RNF220: variants seen among roughly 807,000 people sequenced by gnomAD.
The protein encoded by RNF220 is E3 ubiquitin-protein ligase RNF220.
Under a neutral mutation model 67.1 loss-of-function variants are expected in RNF220, and 7 were observed. That is an observed-to-expected ratio of 0.10 (90% CI 0.06 to 0.20). RNF220 has a LOEUF of 0.20. Among genes scored for constraint, RNF220 ranks in the 10% least tolerant of loss-of-function variants. The pLI is 1.00. For synonymous variants in RNF220, 270 were observed against 283.2 expected (o/e 0.95, Z 0.47); for missense variants, 565 against 740.3 (o/e 0.76, Z 2.75).
intron 2 of RNF220, among the ~76,000 whole-genome samples, chr1:44,505,007 A>G (rs969751347): frequency 6.6e-6 from 1 of 152,214 alleles, no homozygotes; most frequent in Admixed American, 6.5e-5. Flanking sequence ...ACTAGACATG[A>G]AATAGCCAAG....
At chr1:44,635,810 G>T in intron 7 of RNF220, 1 of 1,297,448 alleles carries the variant, frequency 7.7e-7, no homozygotes, top group Non-Finnish European at 1.0e-6. Flanking sequence ...CTCTCCTTTT[G>T]CTTTCACTCT....
intron 2 of RNF220, chr1:44,419,221 G>T (rs1403708330): frequency 1.3e-5 from 2 of 152,174 alleles, no homozygotes; most frequent in East Asian, 3.8e-4. Flanking sequence ...GGCATGTATG[G>T]TTGAACAGAA....
chr1:44,548,749 C>T (rs1259579189), intron 2 of RNF220, among the ~76,000 whole-genome samples: 1 of 152,200 alleles, frequency 6.6e-6, no homozygotes, highest in African/African-American at 2.4e-5. Flanking sequence ...ACTTCAGCCT[C>T]CCAAAGTGCT....
chr1:44,617,654 A>C (rs1264950513), intron 3 of RNF220, among the ~76,000 whole-genome samples: 1 of 152,194 alleles, frequency 6.6e-6, no homozygotes, highest in Non-Finnish European at 1.5e-5. Context: ...AAGATGACAC[A>C]CTGGGGTTCC....
chr1:44,632,421 C>G, intron 6 of RNF220, 36 bp downstream of exon 6: 1 of 1,547,780 alleles, frequency 6.5e-7, no homozygotes, highest in South Asian at 1.2e-5. Context: ...CGCCCCACCC[C>G]CGGCCTCCTC....
chr1:44,498,133 G>A (rs1047824459), intron 2 of RNF220, among the ~76,000 whole-genome samples: 1 of 152,158 alleles, frequency 6.6e-6, no homozygotes, highest in African/African-American at 2.4e-5. Context: ...GGATATATTT[G>A]GTGAGTGGCG....
chr1:44,527,074 GTAGTTT>G (rs1452464110), intron 2 of RNF220, among the ~76,000 whole-genome samples: 1 of 151,910 alleles, frequency 6.6e-6, no homozygotes, highest in Non-Finnish European at 1.5e-5. Flanking sequence ...CATCATGCCT[GTAGTTT>G]CACCTGCCAC....
At chr1:44,437,561 A>G (rs770880528) in intron 2 of RNF220, among the ~76,000 whole-genome samples, 4 of 152,140 alleles carry the variant, frequency 2.6e-5, no homozygotes, top group Non-Finnish European at 5.9e-5. Flanking sequence ...CTTGGGCTGT[A>G]TTTGGCGAGC....
chr1:44,645,150 A>G lies in RNF220; in HGVS notation c.1310+69A>G, dbSNP rs988794616. The G allele has an allele frequency of 2.5e-6, 4 of 1,611,926 alleles. No individual in the cohort carries two copies. In the African/African-American group the frequency reaches 4.0e-5, roughly 16 times the overall value. ...GAAGCCCTGAGGCAGGGGTTAACGC[A>G]GTACTGACCCTCAGGGCTGTCCTGC... On this transcript the variant is annotated intron_variant, in intron 10 of 14. Coordinates refer to ENST00000361799, the MANE Select transcript of RNF220 (RefSeq NM_018150.4). This position sits in a 1 kb window ranked among gnomAD's most constrained non-coding sequence, Gnocchi z 5.0.
At chr1:44,452,541 G>A (rs1029609245) in intron 2 of RNF220, among the ~76,000 whole-genome samples, 17 of 152,150 alleles carry the variant, frequency 1.1e-4, no homozygotes, top group African/African-American at 2.4e-4. Context: ...GCAACAGAGC[G>A]AAACTCCATC....
intron 2 of RNF220, among the ~76,000 whole-genome samples, chr1:44,533,530 G>A (rs1221089224): frequency 6.6e-6 from 1 of 152,154 alleles, no homozygotes; most frequent in East Asian, 1.9e-4. Context: ...GTCCAGGTTG[G>A]TTCTCCCAAA....
chr1:44,626,630 A>G (rs936187743), intron 5 of RNF220: 2 of 563,132 alleles, frequency 3.6e-6, no homozygotes, highest in Non-Finnish European at 6.4e-6. Flanking sequence ...CATGGGCTCC[A>G]TGGGCTCTGA....
Position 44,412,365 on chromosome 1 carries a change from C to G in RNF220, c.268C>G (p.Pro90Ala). 1.2e-6 allele frequency: 2 copies of G among 1,614,172 alleles called. No individual in the cohort carries two copies. Among genetic ancestry groups the G allele is most frequent in the Non-Finnish European group, 1.7e-6 (2 of 1,180,026 alleles). Residue 90 changes from proline (P) to alanine (A), a missense_variant, in exon 2 of 15, where the codon CCT (proline) becomes GCT (alanine). Transcript: ENST00000361799. This position sits in a 1 kb window ranked among gnomAD's most constrained non-coding sequence, Gnocchi z 5.3. ...CACTTTTGCCAATCGTGATTTCCCCCCTTCTCTACTACACCTCCACCCTCA... is the reference window on the plus strand; with the variant it reads ...CACTTTTGCCAATCGTGATTTCCCCGCTTCTCTACTACACCTCCACCCTCA... ...PGTFANRDFPPSLLHLHPQFA... is the reference protein window; with the variant it reads ...PGTFANRDFPASLLHLHPQFA...
chr1:44,433,373 C>T (rs1423676344), intron 2 of RNF220, among the ~76,000 whole-genome samples: 2 of 152,178 alleles, frequency 1.3e-5, no homozygotes, highest in Non-Finnish European at 2.9e-5. Context: ...AGTTCAGAAT[C>T]AGTTGAGCTT....
chr1:44,598,982 A>G (rs1457766320), intron 2 of RNF220, among the ~76,000 whole-genome samples: 6 of 151,700 alleles, frequency 4.0e-5, no homozygotes, highest in Admixed American at 2.0e-4. Flanking sequence ...TTTTTTCCAG[A>G]CATTCTCCTG....
chr1:44,429,528 A>G (rs1413238762), intron 2 of RNF220, among the ~76,000 whole-genome samples: 4 of 152,216 alleles, frequency 2.6e-5, no homozygotes, highest in Non-Finnish European at 5.9e-5. Context: ...TAGAGAAGTG[A>G]GAAGGGGAGT....
chr1:44,415,297 C>T (rs1014104863), intron 2 of RNF220, among the ~76,000 whole-genome samples: 5 of 151,346 alleles, frequency 3.3e-5, no homozygotes, highest in African/African-American at 9.7e-5. Flanking sequence ...CCTACAGAAC[C>T]GTTTTGAAAT....
chr1:44,466,577 G>C (rs1050894197), intron 2 of RNF220, among the ~76,000 whole-genome samples: 6 of 152,196 alleles, frequency 3.9e-5, no homozygotes, highest in Non-Finnish European at 7.3e-5. Context: ...AATAAGACTT[G>C]AAAGTTGAAA....
intron 2 of RNF220, among the ~76,000 whole-genome samples, chr1:44,511,117 T>C (rs1005544446): frequency 4.6e-5 from 7 of 152,186 alleles, no homozygotes; most frequent in African/African-American, 1.4e-4. Flanking sequence ...CAGTCCATTT[T>C]TGGAGCCCTG....
Sources: gnomAD v4.1 joint callset for allele counts (sites outside exome capture counted in the v4.1 genomes callset) on GRCh38, gnomAD v4.1.1 for gene constraint, Gnocchi (gnomAD v3.1) non-coding constraint, MANE v1.5 for transcripts, NCBI Gene and HGNC (gene_info 2026-07-23, HGNC 2026-07-21) for gene names.